Variants in URGCP observed in about 807,000 individuals in gnomAD.
URGCP encodes the protein up-regulator of cell proliferation.
A neutral mutation model predicts 24.6 loss-of-function variants in URGCP; 13 were observed. The ratio of observed to expected loss-of-function variants is 0.53; its 90% CI spans 0.34 to 0.84. The LOEUF is 0.84. URGCP is among the 40% of genes least tolerant of loss of function. The pLI, the probability that URGCP is intolerant of heterozygous loss-of-function variation, is 0.01. For synonymous variants in URGCP, 444 were observed against 487.2 expected (o/e 0.91, Z 1.17); for missense variants, 899 against 1,194.3 (o/e 0.75, Z 3.64).
chr7:43,891,777 G>A (rs1176797914), intron 1 of URGCP, among the ~76,000 whole-genome samples: 1 of 151,870 alleles, frequency 6.6e-6, no homozygotes, highest in Admixed American at 6.6e-5. Flanking sequence ...ACCACACCTG[G>A]CTACTTTTTG....
At chr7:43,906,721 G>A (rs1201178070), upstream of URGCP, 1 of 617,006 alleles carries the variant, frequency 1.6e-6, no homozygotes, top group African/African-American at 2.0e-5. Context: ...GGGTAAGGTG[G>A]GCCCGGGGTC....
chr7:43,887,598 G>A (rs1046666189), intron 2 of URGCP, 113 bp from the exon 3 acceptor site: 116 of 1,499,682 alleles, frequency 7.7e-5, no homozygotes, highest in Non-Finnish European at 9.4e-5. Context: ...ATAAACCCTG[G>A]GTCACACCCC....
chr7:43,882,432 A>T (rs1033559753), intron 3 of URGCP, among the ~76,000 whole-genome samples: 2 of 152,228 alleles, frequency 1.3e-5, no homozygotes, highest in African/African-American at 4.8e-5. Flanking sequence ...CCTGGGCGAC[A>T]GAGTGAGGCT....
intron 2 of URGCP, 21 bp from the exon 3 acceptor site, chr7:43,887,506 A>C (rs2132668422): frequency 1.2e-6 from 2 of 1,612,384 alleles, no homozygotes; most frequent in South Asian, 2.2e-5. Context: ...TTCAGAAGAA[A>C]ATTATAATTA....
chr7:43,916,131 G>A (rs992713162), intron 1 of URGCP, among the ~76,000 whole-genome samples: 42 of 152,098 alleles, frequency 2.8e-4, no homozygotes, highest in African/African-American at 8.0e-4. Flanking sequence ...CTGCATTTAC[G>A]CTGTTTTTCT....
chr7:43,919,001 C>T, intron 1 of URGCP: 1 of 1,223,170 alleles, frequency 8.2e-7, no homozygotes, highest in Non-Finnish European at 1.2e-6. Context: ...GAGCTGGCAA[C>T]AACTGGGCCA....
rs754964606 is a variant in URGCP at position 43,878,610 on chromosome 7, G to A, written c.853C>T (p.Pro285Ser). Reference protein sequence around the residue: ...KSQLLNAVLSPGHRQWDCFWH... With the variant: ...KSQLLNAVLSSGHRQWDCFWH... ...AAGCAGTCCCACTGCCTGTGGCCCG[G>A]GCTGAGGACGGCGTTGAGAAGCTGG... Residue 285 changes from proline (P) to serine (S), a missense_variant, in exon 6 of 6, where the codon CCG becomes TCG. Coordinates refer to ENST00000453200, the MANE Select transcript of URGCP (RefSeq NM_001077663.3). This position sits in a 1 kb window ranked among gnomAD's most constrained non-coding sequence, Gnocchi z 5.6. 17 of 1,613,778 alleles carry A rather than the reference G, an allele frequency of 1.1e-5. No homozygotes were observed. The African/African-American group carries it at 1.7e-4, about 16-fold the overall frequency.
chr7:43,896,085 G>C (rs1334214782), intron 1 of URGCP, among the ~76,000 whole-genome samples: 43 of 152,172 alleles, frequency 2.8e-4, no homozygotes, highest in Non-Finnish European at 1.5e-5. Flanking sequence ...GACAAATATT[G>C]CATGTTCTCA....
In URGCP at chr7:43,877,884, C is replaced by G. The variant is rs1291556614; in HGVS notation, c.1579G>C (p.Glu527Gln). 1.2e-6 allele frequency: 2 copies of G among 1,613,700 alleles called. No individual in the cohort carries two copies. Among genetic ancestry groups the G allele is most frequent in the Admixed American group, 3.3e-5 (2 of 60,010 alleles). The change falls in exon 6 of 6, where the codon GAG (glutamate) becomes CAG (glutamine). Residue 527 changes from glutamate to glutamine, a missense_variant. Coordinates refer to ENST00000453200, the MANE Select transcript of URGCP (RefSeq NM_001077663.3). ...AGTTCTAGCAGCCGCCGCCTCAGCT[C>G]AGCCCTGTGCTTCTCAGGGGGGTCC... The part of the protein sequence containing the change: ...AVDPPEKHRA[E>Q]LRRRLLELRM...
intron 1 of URGCP, among the ~76,000 whole-genome samples, chr7:43,896,236 TC>T (rs778850990): frequency 1.2e-4 from 19 of 152,186 alleles, no homozygotes; most frequent in Non-Finnish European, 2.1e-4. Context: ...GTGCGGTGGC[TC>T]ACGTGGTCAG....
chr7:43,895,182 G>T (rs1411402608), intron 1 of URGCP, among the ~76,000 whole-genome samples: 1 of 151,940 alleles, frequency 6.6e-6, no homozygotes, highest in East Asian at 1.9e-4. Context: ...GATATCTAGA[G>T]TATACAAGGA....
intron 2 of URGCP, 36 bp downstream of exon 2, chr7:43,887,754 A>C: frequency 6.5e-7 from 1 of 1,548,776 alleles, no homozygotes; most frequent in Non-Finnish European, 8.7e-7. Flanking sequence ...CAGAGCACAA[A>C]TACAGTCATT....
At chr7:43,914,572 G>C (rs1196525531) in intron 1 of URGCP, among the ~76,000 whole-genome samples, 2 of 140,532 alleles carry the variant, frequency 1.4e-5, no homozygotes, top group African/African-American at 5.3e-5. Flanking sequence ...TCTCACTTGT[G>C]TTAGAGGCAT....
At chr7:43,910,510 T>G (rs1020290742), upstream of URGCP, among the ~76,000 whole-genome samples, 4 of 150,540 alleles carry the variant, frequency 2.7e-5, no homozygotes, top group Non-Finnish European at 2.9e-5. Flanking sequence ...ATTACAGATG[T>G]GAGCCACCAT....
At chr7:43,919,227 A>G in intron 1 of URGCP, 1 of 862,274 alleles carries the variant, frequency 1.2e-6, no homozygotes, top group Non-Finnish European at 2.0e-6. Flanking sequence ...CCAGGACAAG[A>G]TGAGCAACGT....
In URGCP at chr7:43,876,543, G is replaced by A. The variant is rs534013903; in HGVS notation, c.*124C>T. Reference sequence around the variant, plus strand: ...AGACTCCAAACCCTGTCTTTTCCTCGTCTTCTCATGTCGATTGGGCACCAG... The same window carrying A: ...AGACTCCAAACCCTGTCTTTTCCTCATCTTCTCATGTCGATTGGGCACCAG... On this transcript the variant is annotated 3_prime_UTR_variant, in exon 6 of 6. Coordinates refer to ENST00000453200, the MANE Select transcript of URGCP (RefSeq NM_001077663.3). 4.0e-4 allele frequency: 431 copies of A among 1,083,146 alleles called. No individual in the cohort carries two copies. The highest frequency in any genetic ancestry group is 5.6e-4 in the South Asian group (37 of 66,320). 67.1% of individuals were successfully genotyped at this position (1,083,146 alleles called of 1,614,324 possible).
intron 1 of URGCP, among the ~76,000 whole-genome samples, chr7:43,920,863 C>T (rs2095921585): frequency 1.3e-5 from 2 of 152,114 alleles, no homozygotes; most frequent in Admixed American, 6.6e-5. Context: ...TCCAGCTATC[C>T]CCATGTATTG....
upstream of URGCP, chr7:43,926,560 C>T (rs749665888): frequency 2.5e-6 from 4 of 1,570,300 alleles, no homozygotes; most frequent in South Asian, 1.2e-5. Context: ...CCAGAAGGTA[C>T]GCACTTTCCC....
Position 43,880,274 on chromosome 7 carries a change from A to C in URGCP, c.203-1014T>G, listed in dbSNP as rs80296497. 3.0e-3 allele frequency among the ~76,000 whole-genome samples: 454 copies of C among 152,318 alleles called. 3 individuals are homozygous for C. The highest frequency in any genetic ancestry group is 9.9e-3 in the African/African-American group (413 of 41,574). On this transcript the variant is annotated intron_variant, in intron 5 of 5. Coordinates refer to ENST00000453200, the MANE Select transcript of URGCP (RefSeq NM_001077663.3). ...ATTAAAATATTCAGTGCAGACTGTT[A>C]GTAAGTGAGCACTTACTTGCGCAGA... is the stretch of plus-strand genomic sequence containing the variant.
Sources: gnomAD v4.1 joint callset for allele counts (sites outside exome capture counted in the v4.1 genomes callset) on GRCh38, gnomAD v4.1.1 for gene constraint, Gnocchi (gnomAD v3.1) non-coding constraint, MANE v1.5 for transcripts, NCBI Gene and HGNC (gene_info 2026-07-23, HGNC 2026-07-21) for gene names.